SPATA33: variants seen among roughly 807,000 people sequenced by gnomAD.
SPATA33 encodes spermatogenesis associated 33, also known as spermatogenesis-associated protein 33.
In SPATA33, 10 loss-of-function variants were observed where a neutral mutation model predicts 8.9. The ratio of observed to expected loss-of-function variants is 1.12; its 90% confidence interval spans 0.69 to 1.90. The LOEUF is 1.90. SPATA33 is among the 40% of genes most tolerant of loss of function. SPATA33 has a pLI of 0.00. For synonymous variants in SPATA33, 96 were observed against 72.8 expected, an observed-to-expected ratio of 1.32 and a Z score of -1.63; for missense variants, 241 against 178.3, an observed-to-expected ratio of 1.35 and a Z score of -2.00.
At chr16:89,663,572 A>G (rs2059989798) in intron 2 of SPATA33, among the ~76,000 whole-genome samples, 1 of 152,044 alleles carries the variant, frequency 6.6e-6, no homozygotes, top group African/African-American at 2.4e-5. Flanking sequence ...ACATTCTCTG[A>G]ATGACAAAAT....
rs185600774 is a variant in SPATA33 at position 89,660,317 on chromosome 16, G to A, written c.211+1896G>A. 2.8e-4 allele frequency: 128 copies of A among 462,412 alleles called. 1 individual carries two copies. The East Asian group carries it at 3.1e-3, about 11-fold the overall frequency. 28.6% of individuals were successfully genotyped at this position (462,412 alleles called of 1,614,324 possible). A position where few individuals can be genotyped will look rare whatever the true frequency, so the allele number is the denominator to read the frequency against. On this transcript the variant is annotated intron_variant, in intron 2 of 2. Coordinates refer to ENST00000579310, the MANE Select transcript of SPATA33 (RefSeq NM_001271907.2). ...GCCTCTGCAGGACTCATTCAATGGT[G>A]CAAATTCACCAGGGGCTGGAGGGAG...
At chr16:89,658,700 G>C in intron 2 of SPATA33, 1 of 477,996 alleles carries the variant, frequency 2.1e-6, no homozygotes, top group Non-Finnish European at 3.8e-6. Flanking sequence ...CTCACCTGAG[G>C]TTCTCCTCGA....
rs763493341 is a variant in SPATA33 at position 89,658,319 on chromosome 16, C to T, written c.109C>T (p.Gln37Ter). 5 of 1,614,130 alleles carry T rather than the reference C, an allele frequency of 3.1e-6. No individual in the cohort carries two copies. The highest frequency in any genetic ancestry group is 4.2e-6 in the Non-Finnish European group (5 of 1,180,038). ...SKEKLMEKHS[Q>*]EARQADRESE... is the part of the protein sequence containing the mutation. ...GGAGAAGTTGATGGAGAAGCATTCC[C>T]AGGAAGCCAGGCAGGCAGACAGGGA... The change falls in exon 2 of 3, where the codon CAG (glutamine) becomes TAG (stop). Residue 37 changes from glutamine to a stop codon, truncating the protein, a stop_gained. Coordinates refer to ENST00000579310, the MANE Select transcript of SPATA33 (RefSeq NM_001271907.2). LOFTEE classifies it high-confidence loss of function.
At chr16:89,661,631 A>G (rs1369788775) in intron 2 of SPATA33, 2 of 152,196 alleles carry the variant, frequency 1.3e-5, no homozygotes, top group Non-Finnish European at 2.9e-5. Flanking sequence ...ATTCACAAAC[A>G]TACAAACATT....
chr16:89,665,309 CT>C (rs76431988), intron 2 of SPATA33, among the ~76,000 whole-genome samples: 45 of 129,804 alleles, frequency 3.5e-4, no homozygotes, highest in African/African-American at 3.7e-4. Flanking sequence ...ATTAATATTT[CT>C]TTTTTTTTTT....
At chr16:89,661,493 C>T (rs154662) in intron 2 of SPATA33, 150,509 of 152,484 alleles carry the variant, frequency 0.99, 74,305 homozygotes, top group East Asian at 1. Context: ...ATTAAACCTT[C>T]TTCCTGTGTA....
chr16:89,658,763 C>G (rs2059922876), intron 2 of SPATA33: 2 of 342,024 alleles, frequency 5.8e-6, no homozygotes, highest in Non-Finnish European at 1.1e-5. Context: ...CACACTGGAA[C>G]AGAGCATTGG....
intron 2 of SPATA33, chr16:89,661,278 A>T: frequency 1.1e-6 from 1 of 896,384 alleles, no homozygotes; most frequent in Non-Finnish European, 1.3e-6. Context: ...ACTGGGTGGG[A>T]GGTGATTGAA....
intron 2 of SPATA33, among the ~76,000 whole-genome samples, chr16:89,667,294 C>G (rs2060039315): frequency 6.6e-6 from 1 of 152,190 alleles, no homozygotes; most frequent in Admixed American, 6.5e-5. Context: ...CCATGTCCCC[C>G]CAGCTCCTGT....
At chr16:89,660,251 A>G (rs2059948372) in intron 2 of SPATA33, 2 of 346,320 alleles carry the variant, frequency 5.8e-6, no homozygotes, top group Admixed American at 9.5e-5. Flanking sequence ...CTTGCTTCAT[A>G]TTAGCAAGGA....
intron 2 of SPATA33, chr16:89,659,130 C>G (rs1352041060): frequency 6.7e-6 from 1 of 149,538 alleles, no homozygotes; most frequent in Non-Finnish European, 1.5e-5. Flanking sequence ...GAGACCCTGT[C>G]TCTACAAAAA....
Position 89,669,512 on chromosome 16 carries a change from A to G in SPATA33, c.*15A>G, listed in dbSNP as rs1161845730. 3 of 1,611,108 alleles carry G rather than the reference A, an allele frequency of 1.9e-6. No homozygotes were observed. The highest frequency in any genetic ancestry group is 1.7e-5 in the Admixed American group (1 of 60,000). On this transcript the variant is annotated 3_prime_UTR_variant, in exon 3 of 3. Coordinates refer to ENST00000579310, the MANE Select transcript of SPATA33 (RefSeq NM_001271907.2). ...TCAAAGAATAAACAAGCACCTTTGCATGGCACTCGCTACTCCCTGCGATAG... is the reference window on the plus strand; with the variant it reads ...TCAAAGAATAAACAAGCACCTTTGCGTGGCACTCGCTACTCCCTGCGATAG...
chr16:89,670,444 A>G lies in SPATA33; in HGVS notation c.*947A>G, dbSNP rs1030458307. On this transcript the variant is annotated 3_prime_UTR_variant, in exon 3 of 3. Transcript: ENST00000579310. The stretch of plus-strand genomic sequence containing the variant: ...GGTATTGATAAATGAATAAATTAGT[A>G]TGTTCATGTTGGAAGTGGCTGGCTC... The G allele has an allele frequency of 6.6e-6, 1 of 152,256 alleles. No individual in the cohort carries two copies. The highest frequency in any genetic ancestry group is 1.5e-5 in the Non-Finnish European group (1 of 68,072). 9.4% of individuals were successfully genotyped at this position (152,256 alleles called of 1,614,324 possible). A position where few individuals can be genotyped will look rare whatever the true frequency, so the allele number is the denominator to read the frequency against.
At chr16:89,667,479 C>G (rs974047372) in intron 2 of SPATA33, among the ~76,000 whole-genome samples, 1 of 152,134 alleles carries the variant, frequency 6.6e-6, no homozygotes, top group Non-Finnish European at 1.5e-5. Context: ...TGGAACAGCT[C>G]GTGCCCTCGG....
In SPATA33 at chr16:89,669,622, C is replaced by G. The variant is rs983583981; in HGVS notation, c.*125C>G. The G allele has an allele frequency of 2.4e-5, 22 of 926,690 alleles. No individual in the cohort carries two copies. The highest frequency in any genetic ancestry group is 1.3e-4 in the South Asian group (8 of 61,152). The allele number at this position is 926,690 out of a possible 1,614,324, so 57.4% of individuals were successfully genotyped here. On this transcript the variant is annotated 3_prime_UTR_variant, in exon 3 of 3. Coordinates refer to ENST00000579310, the MANE Select transcript of SPATA33 (RefSeq NM_001271907.2). ...CGGGGAGGTTGCACCAGGCCCACCC[C>G]ACCCTGTGAGAAACTGCAGCCCCCT...
intron 2 of SPATA33, among the ~76,000 whole-genome samples, chr16:89,665,895 C>A (rs1405288776): frequency 1.3e-5 from 2 of 152,000 alleles, no homozygotes; most frequent in African/African-American, 4.8e-5. Flanking sequence ...GCCTGGCCAA[C>A]ATGATGAAAG....
intron 2 of SPATA33, among the ~76,000 whole-genome samples, chr16:89,665,432 A>G (rs1026918754): frequency 1.3e-5 from 2 of 150,570 alleles, no homozygotes; most frequent in African/African-American, 4.9e-5. Context: ...AGCCTCCCGC[A>G]TAGCTGGGAC....
chr16:89,669,389 C>T lies in SPATA33; in HGVS notation c.315C>T (p.Ser105=), dbSNP rs756859763. Reference sequence around the variant, plus strand: ...AGACGCTAGTCAGTTGCAGTTCCAGCGGGAGTGACCAGCAGAGAACCATTC... The same window carrying T: ...AGACGCTAGTCAGTTGCAGTTCCAGTGGGAGTGACCAGCAGAGAACCATTC... The part of the protein sequence containing the change: ...SNETLVSCSS[S]GSDQQRTIRE... Residue 105 remains serine (S), a synonymous_variant, in exon 3 of 3, where the codon AGC becomes AGT. Coordinates refer to ENST00000579310, the MANE Select transcript of SPATA33 (RefSeq NM_001271907.2). 6.8e-6 allele frequency: 11 copies of T among 1,614,036 alleles called. No individual in the cohort carries two copies. Among genetic ancestry groups the T allele is most frequent in the East Asian group, 4.5e-5 (2 of 44,894 alleles).
At chr16:89,668,036 G>T (rs1486733317) in intron 2 of SPATA33, 1 of 152,356 alleles carries the variant, frequency 6.6e-6, no homozygotes, top group African/African-American at 2.4e-5. Context: ...CGTTGGCCGG[G>T]CGCATTGGCT....
Sources: allele counts gnomAD v4.1 joint callset (sites outside exome capture counted in the v4.1 genomes callset), GRCh38; gene constraint gnomAD v4.1.1; transcripts MANE v1.5; gene names NCBI Gene and HGNC (gene_info 2026-07-23, HGNC 2026-07-21).